Variants in DOCK7 observed in about 807,000 individuals in gnomAD.
The protein encoded by DOCK7 is dedicator of cytokinesis protein 7.
In DOCK7, 138 loss-of-function variants were observed where a neutral mutation model predicts 271.0. The ratio of observed to expected loss-of-function variants is 0.51; its 90% CI spans 0.44 to 0.59. The LOEUF is 0.59. DOCK7 is among the 20% of genes least tolerant of loss of function. The pLI is 0.00. For synonymous variants in DOCK7, 823 were observed against 876.1 expected (o/e 0.94, Z 1.07); for missense variants, 2,066 against 2,592.4 (o/e 0.80, Z 4.41).
chr1:62,636,773 A>C (rs1342552881), intron 7 of DOCK7, among the ~76,000 whole-genome samples, 170 bp from the exon 8 acceptor site: 1 of 152,192 alleles, frequency 6.6e-6, no homozygotes, highest in African/African-American at 2.4e-5. Flanking sequence ...CATATCGTTC[A>C]GAGTCTAAAT....
At chr1:62,649,431 C>A (rs1372491805) in intron 4 of DOCK7, among the ~76,000 whole-genome samples, 1 of 152,124 alleles carries the variant, frequency 6.6e-6, no homozygotes, top group Non-Finnish European at 1.5e-5. Context: ...AAAGTATTTT[C>A]TCTGAAAGAA....
chr1:62,582,239 A>T (rs1647149193), intron 16 of DOCK7, among the ~76,000 whole-genome samples: 1 of 152,200 alleles, frequency 6.6e-6, no homozygotes, highest in Admixed American at 6.5e-5. Context: ...AAATGAAGGC[A>T]AAGTGTTAAA....
intron 1 of DOCK7, among the ~76,000 whole-genome samples, chr1:62,683,595 G>A (rs903610701): frequency 1.3e-5 from 2 of 152,180 alleles, no homozygotes; most frequent in South Asian, 2.1e-4. Flanking sequence ...ACACTGTTAG[G>A]AAACCTGGAA....
At chr1:62,521,330 C>T (rs1008215290) in intron 31 of DOCK7, among the ~76,000 whole-genome samples, 1 of 151,922 alleles carries the variant, frequency 6.6e-6, no homozygotes, top group African/African-American at 2.4e-5. Flanking sequence ...GCTGAAAATA[C>T]ATATCAAAAA....
intron 7 of DOCK7, among the ~76,000 whole-genome samples, chr1:62,645,914 G>A (rs1656590810): frequency 6.6e-6 from 1 of 152,138 alleles, no homozygotes; most frequent in South Asian, 2.1e-4. Context: ...TTGGGAGGCT[G>A]AGGCAGGCAG....
In DOCK7 at chr1:62,513,178, AAGGACTTTCTAGAGAAAGTTTTCTAGAG is replaced by A. The variant is rs1478001457; in HGVS notation, c.4282+238_4282+265del. ...GGAGGATGGATGCTATTAATCACATAAGGACTTTCTAGAGAAAGTTTTCTAGAGAGGACTTTCTAGAGAACGTTTTCTA... is the reference window on the plus strand; with the variant it reads ...GGAGGATGGATGCTATTAATCACATAAGGACTTTCTAGAGAACGTTTTCTA... On this transcript the variant is annotated intron_variant, in intron 33 of 49. Transcript: ENST00000635253. Among the ~76,000 whole-genome samples, 6 of 143,224 alleles carry A rather than the reference AAGGACTTTCTAGAGAAAGTTTTCTAGAG, an allele frequency of 4.2e-5. No homozygotes were observed. In the East Asian group the frequency reaches 6.5e-4, roughly 16 times the overall value. The allele number at this position is 143,224 out of a possible 152,430, so 94.0% of individuals were successfully genotyped here. A position where few individuals can be genotyped will look rare whatever the true frequency, so the allele number is the denominator to read the frequency against.
intron 38 of DOCK7, chr1:62,496,024 T>G (rs557574659): frequency 2.8e-6 from 1 of 354,566 alleles, no homozygotes; most frequent in South Asian, 5.4e-5. Context: ...TGTAGAAACT[T>G]TAGTTTTTAA....
intron 14 of DOCK7, chr1:62,601,934 C>T (rs752008847): frequency 1.7e-5 from 19 of 1,130,528 alleles, no homozygotes; most frequent in East Asian, 7.1e-5. Context: ...TTACTCATTA[C>T]GTATTAGGAA....
intron 1 of DOCK7, among the ~76,000 whole-genome samples, chr1:62,676,021 G>C (rs1660515743): frequency 6.6e-6 from 1 of 152,122 alleles, no homozygotes; most frequent in South Asian, 2.1e-4. Flanking sequence ...CTATGACCTA[G>C]CAATTCCACT....
chr1:62,632,266 C>G (rs965702024), intron 10 of DOCK7, among the ~76,000 whole-genome samples: 1 of 152,144 alleles, frequency 6.6e-6, no homozygotes, highest in African/African-American at 2.4e-5. Flanking sequence ...TTCAAGTATA[C>G]TTAATTCTAT....
chr1:62,655,352 T>C (rs1334081159), intron 2 of DOCK7, among the ~76,000 whole-genome samples: 1 of 152,180 alleles, frequency 6.6e-6, no homozygotes, highest in Non-Finnish European at 1.5e-5. Context: ...AACCTGCCTC[T>C]GTGCAGGTGC....
At chr1:62,590,509 G>A (rs1648279977) in intron 14 of DOCK7, among the ~76,000 whole-genome samples, 1 of 152,138 alleles carries the variant, frequency 6.6e-6, no homozygotes, top group South Asian at 2.1e-4. Context: ...CAGTGTGATA[G>A]GTACTGAGAA....
At chr1:62,485,235 C>T (rs1490005761) in intron 43 of DOCK7, 2 of 985,346 alleles carry the variant, frequency 2.0e-6, no homozygotes, top group African/African-American at 3.5e-5. Flanking sequence ...CATTAAAGAA[C>T]TGAAACTACC....
At chr1:62,680,503 A>G (rs1054187554) in intron 1 of DOCK7, among the ~76,000 whole-genome samples, 1 of 151,696 alleles carries the variant, frequency 6.6e-6, no homozygotes, top group Admixed American at 6.6e-5. Context: ...CTAAAACACC[A>G]AAAGCAATGG....
intron 12 of DOCK7, among the ~76,000 whole-genome samples, chr1:62,620,301 C>A (rs1653000402): frequency 1.3e-5 from 2 of 149,680 alleles, no homozygotes; most frequent in Non-Finnish European, 3.0e-5. Flanking sequence ...GGTGATGGAG[C>A]AAGACTCTGT....
In DOCK7 at chr1:62,455,244, C is replaced by A; in HGVS notation, c.*170G>T. On this transcript the variant is annotated 3_prime_UTR_variant, in exon 50 of 50. Transcript: ENST00000635253. ...GTTACCAGAACATTAGAAACCATAGCCATGATTCTCAAGCGTTAACAATCT... is the reference window on the plus strand; with the variant it reads ...GTTACCAGAACATTAGAAACCATAGACATGATTCTCAAGCGTTAACAATCT... The A allele has an allele frequency of 1.3e-6, 1 of 752,126 alleles. No homozygotes were observed. The highest frequency in any genetic ancestry group is 2.3e-6 in the Non-Finnish European group (1 of 432,520). The allele number at this position is 752,126 out of a possible 1,614,324, so 46.6% of individuals were successfully genotyped here. A position where few individuals can be genotyped will look rare whatever the true frequency, so the allele number is the denominator to read the frequency against.
At chr1:62,653,563 A>T (rs1364401861) in intron 4 of DOCK7, among the ~76,000 whole-genome samples, 162 bp downstream of exon 4, 2 of 152,208 alleles carry the variant, frequency 1.3e-5, no homozygotes, top group East Asian at 1.9e-4. Flanking sequence ...GTATTACAGA[A>T]ATCCTAAGGA....
intron 48 of DOCK7, among the ~76,000 whole-genome samples, chr1:62,471,431 G>A (rs1176808506): frequency 6.6e-6 from 1 of 152,136 alleles, no homozygotes; most frequent in Non-Finnish European, 1.5e-5. Flanking sequence ...GGAGGCTGAG[G>A]TGGGAGGATA....
intron 46 of DOCK7, 88 bp from the exon 47 acceptor site, chr1:62,475,439 A>G (rs1261060393): frequency 2.1e-6 from 3 of 1,430,724 alleles, no homozygotes; most frequent in African/African-American, 2.9e-5. Context: ...TTAGAAAAAA[A>G]AAAGATCAAT....
Sources: allele counts gnomAD v4.1 joint callset (sites outside exome capture counted in the v4.1 genomes callset), GRCh38; gene constraint gnomAD v4.1.1; transcripts MANE v1.5; gene names NCBI Gene and HGNC (gene_info 2026-07-23, HGNC 2026-07-21).